MGST1: variants seen among roughly 807,000 people sequenced by gnomAD.
MGST1 encodes glutathione S-transferase 12.
In MGST1, 5 loss-of-function variants were observed where a neutral mutation model predicts 8.9. The observed-to-expected ratio is 0.56, with a 90% CI of 0.29 to 1.19. MGST1 has a LOEUF of 1.19. Ranked by LOEUF, MGST1 falls within the 50% of genes most tolerant of loss-of-function variation. MGST1 has a pLI of 0.08. For missense variants in MGST1, 182 were observed against 187.4 expected, an observed-to-expected ratio of 0.97 and a Z score of 0.17; for synonymous variants, 54 against 67.8, an observed-to-expected ratio of 0.80 and a Z score of 1.00.
intron 1 of MGST1, among the ~76,000 whole-genome samples, chr12:16,436,083 AC>A (rs1940983524): frequency 6.6e-6 from 1 of 151,824 alleles, no homozygotes; most frequent in Non-Finnish European, 1.5e-5. Flanking sequence ...AATCAGTGAA[AC>A]TACAAACTCT....
intron 4 of MGST1, among the ~76,000 whole-genome samples, chr12:16,563,125 T>C (rs956378827): frequency 6.6e-6 from 1 of 152,226 alleles, no homozygotes; most frequent in Non-Finnish European, 1.5e-5. Context: ...TGATGAATTA[T>C]TGCCCCTTTT....
At chr12:16,577,267 C>A (rs987764250) in intron 4 of MGST1, among the ~76,000 whole-genome samples, 10 of 152,072 alleles carry the variant, frequency 6.6e-5, no homozygotes, top group Admixed American at 6.6e-4. Flanking sequence ...TCTGAAAGGC[C>A]GTAAACTTTC....
chr12:16,423,912 G>A (rs1441335290), intron 1 of MGST1, among the ~76,000 whole-genome samples: 1 of 152,046 alleles, frequency 6.6e-6, no homozygotes, highest in African/African-American at 2.4e-5. Context: ...GTTGAGTGTC[G>A]GTGCTCCAGC....
At chr12:16,404,921 C>G (rs1940687122) in intron 1 of MGST1, among the ~76,000 whole-genome samples, 1 of 151,926 alleles carries the variant, frequency 6.6e-6, no homozygotes, top group Non-Finnish European at 1.5e-5. Context: ...TTTTTGTCTT[C>G]TAAGAACTGT....
intron 4 of MGST1, among the ~76,000 whole-genome samples, chr12:16,479,621 C>A (rs912581995): frequency 1.3e-5 from 2 of 150,768 alleles, no homozygotes; most frequent in Non-Finnish European, 2.9e-5. Flanking sequence ...GCAGCCTCAA[C>A]CTCCTGGGCT....
chr12:16,560,507 A>G lies in MGST1; in HGVS notation n.483-29021A>G, dbSNP rs750449182. The G allele has an allele frequency of 3.1e-6, 5 of 1,613,624 alleles. No homozygotes were observed. The highest frequency in any genetic ancestry group is 3.4e-6 in the Non-Finnish European group (4 of 1,179,758). The stretch of plus-strand genomic sequence containing the variant: ...TCAAAGGCAGGGATGAGCTTACTAC[A>G]GGCAGCGCAGTTTCCCGTTACACCA... On this transcript the variant is annotated intron_variant and non_coding_transcript_variant, in intron 4 of 4. Coordinates refer to the MGST1 transcript ENST00000538857. The surrounding 1 kb of genome is among the most constrained non-coding windows in gnomAD (Gnocchi z 5.0).
Position 16,364,325 on chromosome 12 carries a change from T to G in MGST1, c.*284T>G. The G allele has an allele frequency of 1.4e-5, 15 of 1,068,424 alleles. No homozygotes were observed. The highest frequency in any genetic ancestry group is 1.7e-5 in the Non-Finnish European group (15 of 883,232). 66.2% of individuals were successfully genotyped at this position (1,068,424 alleles called of 1,614,324 possible). The stretch of plus-strand genomic sequence containing the variant: ...GTAACATTCACACAACACCTCACTT[T>G]TGAATCTATAAAAGAATTGCACGTA... On this transcript the variant is annotated 3_prime_UTR_variant, in exon 4 of 4. Coordinates refer to ENST00000396210, the MANE Select transcript of MGST1 (RefSeq NM_020300.5). This position sits in a 1 kb window ranked among gnomAD's most constrained non-coding sequence, Gnocchi z 5.7.
rs553299467 is a variant in MGST1 at position 16,389,652 on chromosome 12, G to T, written n.778+6048G>T. Among the ~76,000 whole-genome samples, 1 of 152,338 alleles carries T rather than the reference G, an allele frequency of 6.6e-6. No homozygotes were observed. Among genetic ancestry groups the T allele is most frequent in the South Asian group, 2.1e-4 (1 of 4,822 alleles). On this transcript the variant is annotated intron_variant and non_coding_transcript_variant, in intron 1 of 1. Transcript: ENST00000359720. The surrounding 1 kb of genome is among the most constrained non-coding windows in gnomAD (Gnocchi z 4.6). ...ATAGGAGGGACTACAGAGAAGCAAG[G>T]ATTCCAGATGGAGGGAGAGTTTGGA...
At position 16,410,867 on chromosome 12, in the gene MGST1, A is replaced by T. The variant is rs889998941; in HGVS notation, n.779-26521A>T. Reference sequence around the variant, plus strand: ...TGGTTTGACTCCATTTTTTCCCAAGATGTTCCAGAATCACTATTTCTCTTG... The same window carrying T: ...TGGTTTGACTCCATTTTTTCCCAAGTTGTTCCAGAATCACTATTTCTCTTG... On this transcript the variant is annotated intron_variant and non_coding_transcript_variant, in intron 1 of 1. Coordinates refer to the MGST1 transcript ENST00000359720. The surrounding 1 kb of genome is among the most constrained non-coding windows in gnomAD (Gnocchi z 4.4). Among the ~76,000 whole-genome samples the T allele has an allele frequency of 6.6e-6, 1 of 151,964 alleles. No individual in the cohort carries two copies. The highest frequency in any genetic ancestry group is 1.5e-5 in the Non-Finnish European group (1 of 67,974).
At chr12:16,402,270 GC>G (rs1183626256) in intron 1 of MGST1, 2 of 1,588,716 alleles carry the variant, frequency 1.3e-6, no homozygotes, top group Admixed American at 3.3e-5. Context: ...TGTCTGTAAG[GC>G]AGTTGATTTG....
intron 1 of MGST1, among the ~76,000 whole-genome samples, chr12:16,396,612 A>G (rs912582259): frequency 6.6e-6 from 1 of 152,172 alleles, no homozygotes; most frequent in African/African-American, 2.4e-5. Flanking sequence ...ATTAATATAC[A>G]TAAATCAGTA....
intron 4 of MGST1, among the ~76,000 whole-genome samples, chr12:16,479,192 T>C (rs1686862369): frequency 6.7e-6 from 1 of 149,716 alleles, no homozygotes; most frequent in African/African-American, 2.5e-5. Flanking sequence ...TAATATTCCA[T>C]TGTGTGTATA....
At chr12:16,400,885 T>G in intron 1 of MGST1, 1 of 1,187,214 alleles carries the variant, frequency 8.4e-7, no homozygotes, top group Non-Finnish European at 1.3e-6. Context: ...GAGATGGGTG[T>G]TTATAGGACA....
intron 1 of MGST1, among the ~76,000 whole-genome samples, chr12:16,403,810 G>C (rs777180858): frequency 1.3e-5 from 2 of 152,146 alleles, no homozygotes; most frequent in South Asian, 4.2e-4. Flanking sequence ...AGGAAGAAGA[G>C]CCCCTTATAA....
intron 1 of MGST1, among the ~76,000 whole-genome samples, chr12:16,422,157 A>G (rs2137084824): frequency 6.6e-6 from 1 of 152,308 alleles, no homozygotes; most frequent in African/African-American, 2.4e-5. Flanking sequence ...GGTTAACTCT[A>G]TATCAGTGGT....
chr12:16,477,896 G>A (rs1565461775), intron 4 of MGST1, among the ~76,000 whole-genome samples: 1 of 152,182 alleles, frequency 6.6e-6, no homozygotes, highest in Non-Finnish European at 1.5e-5. Context: ...TGAGTTTAAT[G>A]ATAGTTTGGG....
intron 4 of MGST1, among the ~76,000 whole-genome samples, chr12:16,518,745 A>T (rs1349624138): frequency 6.6e-6 from 1 of 152,154 alleles, no homozygotes; most frequent in Admixed American, 6.5e-5. Context: ...TGGCATTCCC[A>T]TGGGGCTCAC....
In MGST1 at chr12:16,363,679, A is replaced by T. The variant is rs569053858; in HGVS notation, c.222-116A>T. 17 of 854,788 alleles carry T rather than the reference A, an allele frequency of 2.0e-5. No homozygotes were observed. The African/African-American group carries it at 2.7e-4, about 14-fold the overall frequency. The allele number at this position is 854,788 out of a possible 1,614,324, so 53.0% of individuals were successfully genotyped here. A position where few individuals can be genotyped will look rare whatever the true frequency, so the allele number is the denominator to read the frequency against. On this transcript the variant is annotated intron_variant, in intron 3 of 3. Transcript: ENST00000396210. This position sits in a 1 kb window ranked among gnomAD's most constrained non-coding sequence, Gnocchi z 4.6. ...ATTTGAGAGAAAAAAAATAAATCTTACTTTGAAATTTAAGGATCCATTAGT... is the reference window on the plus strand; with the variant it reads ...ATTTGAGAGAAAAAAAATAAATCTTTCTTTGAAATTTAAGGATCCATTAGT...
rs12304160 is a variant in MGST1 at position 16,394,532 on chromosome 12, T to C, written n.778+10928T>C. Among the ~76,000 whole-genome samples the C allele has an allele frequency of 7.3e-3, 522 of 71,178 alleles. 10 individuals are homozygous for C. The highest frequency in any genetic ancestry group is 0.017 in the African/African-American group (412 of 24,066). 46.7% of individuals were successfully genotyped at this position (71,178 alleles called of 152,430 possible). On this transcript the variant is annotated intron_variant and non_coding_transcript_variant, in intron 1 of 1. Transcript: ENST00000359720. ...TCTCTCCCTTTCTTTCTTTCTTTCT[T>C]TCTTTCTTTCTTTCTTTCTTTCTTT...
Sources: gnomAD v4.1 joint callset for allele counts (sites outside exome capture counted in the v4.1 genomes callset) on GRCh38, gnomAD v4.1.1 for gene constraint, Gnocchi (gnomAD v3.1) non-coding constraint, MANE v1.5 for transcripts, NCBI Gene and HGNC (gene_info 2026-07-23, HGNC 2026-07-21) for gene names.